NXPH1: variants seen among roughly 807,000 people sequenced by gnomAD.
The protein encoded by NXPH1 is neurexophilin 1, also known as neurexophilin-1.
Under a neutral mutation model 23.7 loss-of-function variants are expected in NXPH1, and 5 were observed. The ratio of observed to expected loss-of-function variants is 0.21; its 90% CI spans 0.11 to 0.44. NXPH1 has a LOEUF of 0.44. Among genes scored for constraint, NXPH1 ranks in the 20% least tolerant of loss-of-function variants. The probability of loss-of-function intolerance (pLI) is 0.99; values close to 1 mark genes in which losing one functional copy is unlikely to be tolerated. For synonymous variants in NXPH1, 144 were observed against 122.2 expected (o/e 1.18, Z -1.18); for missense variants, 324 against 321.6 (o/e 1.01, Z -0.06).
Position 8,749,477 on chromosome 7 carries a change from C to T in NXPH1, c.55-1531C>T, listed in dbSNP as rs182457902. ...GTTGAGTAAAATGCTATTTTCAGGTCACATTTGTATCCTAACAAGAGTCCC... is the reference window on the plus strand; with the variant it reads ...GTTGAGTAAAATGCTATTTTCAGGTTACATTTGTATCCTAACAAGAGTCCC... On this transcript the variant is annotated intron_variant, in intron 2 of 2. Transcript: ENST00000405863. Among the ~76,000 whole-genome samples, 16 of 152,256 alleles carry T rather than the reference C, an allele frequency of 1.1e-4. No individual in the cohort carries two copies. In the East Asian group the frequency reaches 2.9e-3, roughly 28 times the overall value.
intron 2 of NXPH1, among the ~76,000 whole-genome samples, chr7:8,650,427 A>G (rs1376526826): frequency 2.6e-5 from 4 of 152,196 alleles, no homozygotes; most frequent in African/African-American, 9.6e-5. Context: ...CTAAAGACAC[A>G]GCTTCTTGGA....
At chr7:8,593,098 A>G (rs1819135377) in intron 2 of NXPH1, among the ~76,000 whole-genome samples, 1 of 151,882 alleles carries the variant, frequency 6.6e-6, no homozygotes, top group Non-Finnish European at 1.5e-5. Context: ...GGTTCCCAGA[A>G]TGATTTCTTA....
intron 2 of NXPH1, among the ~76,000 whole-genome samples, chr7:8,445,197 G>A (rs1433654147): frequency 1.3e-5 from 2 of 152,174 alleles, no homozygotes; most frequent in Non-Finnish European, 2.9e-5. Flanking sequence ...TAACAGAATT[G>A]TCCTCTTAAT....
intron 2 of NXPH1, among the ~76,000 whole-genome samples, chr7:8,686,305 G>A (rs1821144847): frequency 6.6e-6 from 1 of 151,962 alleles, no homozygotes; most frequent in African/African-American, 2.4e-5. Flanking sequence ...TGAAAATTCT[G>A]TATTGCTGTC....
At chr7:8,725,185 G>A (rs1449103946) in intron 2 of NXPH1, among the ~76,000 whole-genome samples, 2 of 152,162 alleles carry the variant, frequency 1.3e-5, no homozygotes, top group African/African-American at 2.4e-5. Flanking sequence ...TCTTCCCTGA[G>A]CTATGCCGAA....
Position 8,443,193 on chromosome 7 carries a change from C to T in NXPH1, c.54+7426C>T, listed in dbSNP as rs568462560. On this transcript the variant is annotated intron_variant, in intron 2 of 2. Transcript: ENST00000405863. ...CCCGTCTCTAGGTCCCCAGCATGAC[C>T]TGCGGTCAGAAACTCTTGCTTGCAC... is the stretch of plus-strand genomic sequence containing the variant. Among the ~76,000 whole-genome samples, 3 of 152,350 alleles carry T rather than the reference C, an allele frequency of 2.0e-5. No homozygotes were observed. In the East Asian group the frequency reaches 5.8e-4, roughly 29 times the overall value.
At chr7:8,446,917 T>C (rs1231652375) in intron 2 of NXPH1, among the ~76,000 whole-genome samples, 1 of 131,218 alleles carries the variant, frequency 7.6e-6, no homozygotes, top group East Asian at 3.5e-4. Context: ...TTCTTTTTTT[T>C]TTTTCTTATA....
intron 2 of NXPH1, among the ~76,000 whole-genome samples, chr7:8,488,051 C>G (rs1817187464): frequency 6.6e-6 from 1 of 152,118 alleles, no homozygotes; most frequent in Non-Finnish European, 1.5e-5. Flanking sequence ...GATTATAAGC[C>G]AGTTTAGGGC....
intron 2 of NXPH1, among the ~76,000 whole-genome samples, chr7:8,722,937 C>T (rs896034288): frequency 6.6e-5 from 10 of 152,270 alleles, no homozygotes; most frequent in South Asian, 2.1e-4. Context: ...TTTCATGACA[C>T]AACCACAGAG....
intron 2 of NXPH1, among the ~76,000 whole-genome samples, chr7:8,607,177 G>A (rs1819512713): frequency 1.3e-5 from 2 of 151,968 alleles, no homozygotes; most frequent in Admixed American, 1.3e-4. Context: ...AATCACATTG[G>A]AACATTTTAA....
Position 8,480,093 on chromosome 7 carries a change from T to G in NXPH1, c.54+44326T>G, listed in dbSNP as rs1463759800. Among the ~76,000 whole-genome samples, 4 of 152,050 alleles carry G rather than the reference T, an allele frequency of 2.6e-5. No individual in the cohort carries two copies. In the East Asian group the frequency reaches 7.8e-4, roughly 29 times the overall value. On this transcript the variant is annotated intron_variant, in intron 2 of 2. Transcript: ENST00000405863. ...GTGGTTACTTTTGGGAGGAGGGAGA[T>G]GTTTGAGATTTGGATGGGGTACACT...
At chr7:8,725,981 T>C (rs1050213792) in intron 2 of NXPH1, among the ~76,000 whole-genome samples, 2 of 152,204 alleles carry the variant, frequency 1.3e-5, no homozygotes, top group African/African-American at 4.8e-5. Flanking sequence ...TTATTTAATT[T>C]ATATAACGCT....
chr7:8,706,296 T>C (rs1257189456), intron 2 of NXPH1, among the ~76,000 whole-genome samples: 1 of 152,216 alleles, frequency 6.6e-6, no homozygotes, highest in East Asian at 1.9e-4. Flanking sequence ...CAATTTATCA[T>C]GTGTGGAAGA....
chr7:8,751,758 C>G lies in NXPH1; in HGVS notation c.805C>G (p.Pro269Ala), dbSNP rs780936787. ...CTACCACAGTGACACACCTTACTTT[C>G]CCTCGGGATGAAGGTGAACATGGGG... Reference protein sequence around the residue: ...YNYHSDTPYFPSG With the variant: ...YNYHSDTPYFASG Residue 269 changes from proline (P) to alanine (A), a missense_variant, in exon 3 of 3, where the codon CCC becomes GCC. Coordinates refer to ENST00000405863, the MANE Select transcript of NXPH1 (RefSeq NM_152745.3). The surrounding 1 kb of genome is among the most constrained non-coding windows in gnomAD (Gnocchi z 4.5). 3 of 1,608,432 alleles carry G rather than the reference C, an allele frequency of 1.9e-6. No individual in the cohort carries two copies. Among genetic ancestry groups the G allele is most frequent in the Non-Finnish European group, 2.5e-6 (3 of 1,177,228 alleles).
intron 2 of NXPH1, among the ~76,000 whole-genome samples, chr7:8,517,998 A>G (rs1043063718): frequency 3.3e-5 from 5 of 152,170 alleles, no homozygotes; most frequent in Non-Finnish European, 7.3e-5. Context: ...ATGCAGATAA[A>G]AGGTAGACAG....
chr7:8,439,553 C>A (rs528735334), intron 2 of NXPH1, among the ~76,000 whole-genome samples: 3 of 152,348 alleles, frequency 2.0e-5, no homozygotes, highest in African/African-American at 7.2e-5. Flanking sequence ...GGGGTCCCAC[C>A]ATTTCTGCTA....
chr7:8,551,615 C>G (rs1818276675), intron 2 of NXPH1, among the ~76,000 whole-genome samples: 1 of 151,356 alleles, frequency 6.6e-6, no homozygotes, highest in Admixed American at 6.6e-5. Context: ...AGGAAATTAT[C>G]CTTTACAATT....
At chr7:8,636,200 C>T (rs913994904) in intron 2 of NXPH1, among the ~76,000 whole-genome samples, 1 of 152,140 alleles carries the variant, frequency 6.6e-6, no homozygotes, top group African/African-American at 2.4e-5. Flanking sequence ...AGCCAAACTC[C>T]AGCAACAGCC....
chr7:8,492,493 T>C (rs1817264558), intron 2 of NXPH1, among the ~76,000 whole-genome samples: 1 of 152,082 alleles, frequency 6.6e-6, no homozygotes, highest in South Asian at 2.1e-4. Context: ...AAGATATTTA[T>C]TTATTCAACA....
Sources: gnomAD v4.1 joint callset for allele counts (sites outside exome capture counted in the v4.1 genomes callset) on GRCh38, gnomAD v4.1.1 for gene constraint, Gnocchi (gnomAD v3.1) non-coding constraint, MANE v1.5 for transcripts, NCBI Gene and HGNC (gene_info 2026-07-23, HGNC 2026-07-21) for gene names.